Variants in ST6GAL1 observed in about 807,000 individuals in gnomAD.
ST6GAL1 encodes the protein ST6 beta-galactoside alpha-2,6-sialyltransferase 1.
Under a neutral mutation model 38.0 loss-of-function variants are expected in ST6GAL1, and 20 were observed. That is an observed-to-expected ratio of 0.53 (90% CI 0.37 to 0.77). ST6GAL1 has a LOEUF of 0.77. ST6GAL1 is among the 30% of genes least tolerant of loss of function. The pLI, the probability that ST6GAL1 is intolerant of heterozygous loss-of-function variation, is 0.00. For synonymous variants in ST6GAL1, 196 were observed against 188.2 expected, an observed-to-expected ratio of 1.04 and a Z score of -0.34; for missense variants, 432 against 496.4, an observed-to-expected ratio of 0.87 and a Z score of 1.23.
rs1404444960 is a variant in ST6GAL1 at position 187,045,033 on chromosome 3, A to G, written c.607+1723A>G. Among the ~76,000 whole-genome samples the G allele has an allele frequency of 3.3e-5, 5 of 152,240 alleles. No homozygotes were observed. In the East Asian group the frequency reaches 5.8e-4, roughly 18 times the overall value. On this transcript the variant is annotated intron_variant, in intron 4 of 7. Coordinates refer to ENST00000169298, the MANE Select transcript of ST6GAL1 (RefSeq NM_173216.2). ...GATTCATCAACAATACAAAGGGGAA[A>G]GGGAAGGGAAAGGCCCTTTGTTGAA...
chr3:187,066,597 C>CGT (rs374550671), intron 5 of ST6GAL1, among the ~76,000 whole-genome samples: 13,106 of 116,662 alleles, frequency 0.11, 690 homozygotes, highest in Non-Finnish European at 0.15. Context: ...GATGTGCGTG[C>CGT]GTGCGTGTGT....
intron 2 of ST6GAL1, among the ~76,000 whole-genome samples, chr3:186,997,163 G>A (rs1283075439): frequency 1.3e-5 from 2 of 152,120 alleles, no homozygotes; most frequent in African/African-American, 4.8e-5. Flanking sequence ...AGGCAGGACT[G>A]CCCAACCTCC....
At chr3:186,977,912 A>T (rs998645580) in intron 2 of ST6GAL1, among the ~76,000 whole-genome samples, 3 of 152,158 alleles carry the variant, frequency 2.0e-5, no homozygotes, top group African/African-American at 7.2e-5. Flanking sequence ...TTGCCATTTA[A>T]TAGATAAGAA....
At chr3:186,944,695 GA>G (rs1424430733) in intron 1 of ST6GAL1, among the ~76,000 whole-genome samples, 1 of 152,200 alleles carries the variant, frequency 6.6e-6, no homozygotes. Context: ...AAGGCTTGAG[GA>G]AAATCACAGC....
intron 2 of ST6GAL1, among the ~76,000 whole-genome samples, chr3:187,012,591 G>A (rs1716992501): frequency 6.6e-6 from 1 of 152,136 alleles, no homozygotes; most frequent in Non-Finnish European, 1.5e-5. Flanking sequence ...AGCAATTAGT[G>A]CTTCTGGGCC....
intron 1 of ST6GAL1, chr3:186,949,074 A>G (rs575295816): frequency 6.6e-6 from 1 of 152,372 alleles, no homozygotes; most frequent in East Asian, 1.9e-4. Flanking sequence ...CTGCTCCACC[A>G]GAGAGTCATT....
chr3:187,046,577 G>T (rs1579355596), intron 4 of ST6GAL1, among the ~76,000 whole-genome samples: 1 of 152,336 alleles, frequency 6.6e-6, no homozygotes, highest in Non-Finnish European at 1.5e-5. Context: ...AGACCGGCTA[G>T]AGGAGAACTA....
chr3:186,995,430 C>T (rs1240484959), intron 2 of ST6GAL1, among the ~76,000 whole-genome samples: 13 of 148,514 alleles, frequency 8.8e-5, no homozygotes, highest in African/African-American at 1.7e-4. Flanking sequence ...TGCTTGGACC[C>T]GGGAGGTGGA....
intron 1 of ST6GAL1, among the ~76,000 whole-genome samples, chr3:186,959,894 G>A (rs1028962794): frequency 6.6e-6 from 1 of 152,212 alleles, no homozygotes; most frequent in Middle Eastern, 3.2e-3. Context: ...GGGTTAAAAG[G>A]GTTATCTCAC....
intron 5 of ST6GAL1, among the ~76,000 whole-genome samples, chr3:187,067,099 T>C: frequency 9.8e-6 from 1 of 101,718 alleles, no homozygotes; most frequent in Admixed American, 9.1e-5. Context: ...TTTTTTTTTT[T>C]TTTTTTTTGG....
intron 2 of ST6GAL1, among the ~76,000 whole-genome samples, chr3:187,021,533 A>C (rs1717299930): frequency 1.3e-5 from 2 of 151,878 alleles, no homozygotes; most frequent in South Asian, 4.2e-4. Flanking sequence ...TGAAGTCAGG[A>C]GTTCGAGACC....
Position 187,040,687 on chromosome 3 carries a change from A to T in ST6GAL1, c.-51+1814A>T, listed in dbSNP as rs77409918. On this transcript the variant is annotated intron_variant, in intron 3 of 7. Transcript: ENST00000169298. ...TTTCTCTAGTTCTTCTTCAGTTGTC[A>T]TATGGTCATGTGATTACCTGTGTTG... Among the ~76,000 whole-genome samples the T allele has an allele frequency of 9.6e-3, 1,457 of 152,348 alleles. 18 individuals carry two copies. The highest frequency in any genetic ancestry group is 0.033 in the African/African-American group (1,380 of 41,572).
At chr3:186,967,232 C>T (rs558841290) in intron 2 of ST6GAL1, among the ~76,000 whole-genome samples, 4 of 152,280 alleles carry the variant, frequency 2.6e-5, no homozygotes, top group African/African-American at 7.2e-5. Context: ...TGCTCTGTTG[C>T]CCAGGCTGGA....
At chr3:187,064,774 A>T (rs1039498839) in intron 5 of ST6GAL1, among the ~76,000 whole-genome samples, 1 of 152,110 alleles carries the variant, frequency 6.6e-6, no homozygotes, top group Non-Finnish European at 1.5e-5. Context: ...TGATATCCTA[A>T]AAAGCTGGTG....
intron 1 of ST6GAL1, among the ~76,000 whole-genome samples, chr3:186,949,701 C>G (rs1379415525): frequency 6.6e-6 from 1 of 152,190 alleles, no homozygotes; most frequent in Non-Finnish European, 1.5e-5. Context: ...CTCAGAAAGA[C>G]CTTATCATTC....
chr3:187,051,261 C>T lies in ST6GAL1; in HGVS notation c.620C>T (p.Ala207Val). Residue 207 changes from alanine (A) to valine (V), a missense_variant, in exon 5 of 8, where the codon GCA (alanine) becomes GTA (valine). By Grantham distance (64) the Ala-to-Val change is moderately conservative. Transcript: ENST00000169298. ...TTGTGGTTTATAGATGATCATGACG[C>T]AGTCCTGAGGTTTAATGGGGCACCC... is the stretch of plus-strand genomic sequence containing the variant. ...QLGREIDDHD[A>V]VLRFNGAPTA... is the part of the protein sequence containing the mutation. The T allele has an allele frequency of 6.2e-7, 1 of 1,613,992 alleles. No individual in the cohort carries two copies. Among genetic ancestry groups the T allele is most frequent in the Non-Finnish European group, 8.5e-7 (1 of 1,179,930 alleles).
At chr3:186,984,697 G>T (rs1038845590) in intron 2 of ST6GAL1, among the ~76,000 whole-genome samples, 11 of 148,282 alleles carry the variant, frequency 7.4e-5, no homozygotes, top group Non-Finnish European at 1.6e-4. Flanking sequence ...CAGTACTTCC[G>T]ATCTCCCCTT....
intron 2 of ST6GAL1, among the ~76,000 whole-genome samples, chr3:187,031,593 G>A (rs114100148): frequency 0.025 from 3,777 of 151,984 alleles, 161 homozygotes; most frequent in African/African-American, 0.086. Flanking sequence ...ACGTCACCAC[G>A]CCCCGCTAGT....
intron 1 of ST6GAL1, among the ~76,000 whole-genome samples, chr3:186,940,248 A>C (rs1456657738): frequency 6.6e-6 from 1 of 152,126 alleles, no homozygotes; most frequent in Non-Finnish European, 1.5e-5. Context: ...ACATACATGT[A>C]AGACTGGGAG....
Sources: allele counts gnomAD v4.1 joint callset (sites outside exome capture counted in the v4.1 genomes callset), GRCh38; gene constraint gnomAD v4.1.1; transcripts MANE v1.5; gene names NCBI Gene and HGNC (gene_info 2026-07-23, HGNC 2026-07-21).